Variants in FAAH observed in about 807,000 individuals in gnomAD.
The protein encoded by FAAH is fatty acid amide hydrolase.
Under a neutral mutation model 69.7 loss-of-function variants are expected in FAAH, and 63 were observed. The ratio of observed to expected loss-of-function variants is 0.90; its 90% CI spans 0.74 to 1.12. The LOEUF (loss-of-function observed/expected upper bound fraction) is 1.12, where lower values mean the gene tolerates loss of function less well. Ranked by LOEUF, FAAH falls within the 50% of genes most tolerant of loss-of-function variation. The probability of loss-of-function intolerance (pLI) is 0.00; values close to 1 mark genes in which losing one functional copy is unlikely to be tolerated. For synonymous variants in FAAH, 305 were observed against 324.2 expected (o/e 0.94, Z 0.64); for missense variants, 680 against 755.0 (o/e 0.90, Z 1.16).
At chr1:46,398,620 G>C (rs956368016) in intron 1 of FAAH, among the ~76,000 whole-genome samples, 7 of 150,444 alleles carry the variant, frequency 4.7e-5, no homozygotes, top group Non-Finnish European at 8.9e-5. Flanking sequence ...TGCAACCTCC[G>C]CCTCCCGGGT....
At chr1:46,407,906 G>A (rs907383004) in intron 7 of FAAH, among the ~76,000 whole-genome samples, 2 of 152,192 alleles carry the variant, frequency 1.3e-5, no homozygotes, top group Admixed American at 6.5e-5. Flanking sequence ...GTTTGTGGAC[G>A]GGAAGGAGAG....
chr1:46,404,887 C>G lies in FAAH; in HGVS notation c.310-127C>G. On this transcript the variant is annotated intron_variant, in intron 2 of 14. Coordinates refer to ENST00000243167, the MANE Select transcript of FAAH (RefSeq NM_001441.3). This position sits in a 1 kb window ranked among gnomAD's most constrained non-coding sequence, Gnocchi z 4.5. ...CATCCTCTGTGCCCCAGGCTCTGGG[C>G]CATGTTGCTGGTTACCCCTCTCCCT... 8.0e-7 allele frequency: 1 copy of G among 1,255,778 alleles called. No individual in the cohort carries two copies. The highest frequency in any genetic ancestry group is 1.3e-5 in the South Asian group (1 of 78,918). 77.8% of individuals were successfully genotyped at this position (1,255,778 alleles called of 1,614,324 possible). A position where few individuals can be genotyped will look rare whatever the true frequency, so the allele number is the denominator to read the frequency against.
chr1:46,409,470 CCT>C (rs1457929323), intron 9 of FAAH, among the ~76,000 whole-genome samples: 5 of 152,008 alleles, frequency 3.3e-5, no homozygotes, highest in African/African-American at 9.7e-5. Flanking sequence ...CAGGAGGTTG[CCT>C]CTCTGTTTGG....
chr1:46,405,911 T>C lies in FAAH; in HGVS notation c.785+117T>C, dbSNP rs1664785518. On this transcript the variant is annotated intron_variant, in intron 5 of 14. Coordinates refer to ENST00000243167, the MANE Select transcript of FAAH (RefSeq NM_001441.3). This position sits in a 1 kb window ranked among gnomAD's most constrained non-coding sequence, Gnocchi z 4.1. ...CCGGGGTTTTGCTGGGAGGAAGCAT[T>C]ACAGTACCACTGGCCGGGCGTGGGT... The C allele has an allele frequency of 6.2e-7, 1 of 1,610,678 alleles. No individual in the cohort carries two copies. Among genetic ancestry groups the C allele is most frequent in the Non-Finnish European group, 8.5e-7 (1 of 1,179,202 alleles).
rs1664792455 is a variant in FAAH at position 46,406,257 on chromosome 1, G to A, written c.840G>A (p.Val280=). Reference sequence around the variant, plus strand: ...TCTGCCCCACAGTGCGTCTCTCCGTGGGCCCCATGGCCCGGGACGTGGAGA... The same window carrying A: ...TCTGCCCCACAGTGCGTCTCTCCGTAGGCCCCATGGCCCGGGACGTGGAGA... ...VYGQEAVRLS[V]GPMARDVESL... The change falls in exon 7 of 15, where the codon GTG becomes GTA. Residue 280 remains valine (V), a synonymous_variant. Transcript: ENST00000243167. 1 of 1,613,936 alleles carries A rather than the reference G, an allele frequency of 6.2e-7. No individual in the cohort carries two copies. Among genetic ancestry groups the A allele is most frequent in the African/African-American group, 1.3e-5 (1 of 74,950 alleles).
At chr1:46,406,906 G>A (rs1195555786) in intron 7 of FAAH, among the ~76,000 whole-genome samples, 7 of 152,020 alleles carry the variant, frequency 4.6e-5, no homozygotes, top group Non-Finnish European at 5.9e-5. Context: ...GCGCCGGCCG[G>A]AAATCCACAG....
In FAAH at chr1:46,410,092, G is replaced by T; in HGVS notation, c.1176-306G>T. 1 of 335,310 alleles carries T rather than the reference G, an allele frequency of 3.0e-6. No homozygotes were observed. Among genetic ancestry groups the T allele is most frequent in the East Asian group, 6.9e-5 (1 of 14,550 alleles). 20.8% of individuals were successfully genotyped at this position (335,310 alleles called of 1,614,324 possible). On this transcript the variant is annotated intron_variant, in intron 9 of 14. Coordinates refer to ENST00000243167, the MANE Select transcript of FAAH (RefSeq NM_001441.3). The surrounding 1 kb of genome is among the most constrained non-coding windows in gnomAD (Gnocchi z 4.9). ...GCCTCCAGGCTGTACCTCCCTAAGG[G>T]GAGGTACCCTCAGGGAGGCCTCATC...
Position 46,410,120 on chromosome 1 carries a change from G to A in FAAH, c.1176-278G>A, listed in dbSNP as rs552319616. The A allele has an allele frequency of 7.4e-5, 31 of 416,750 alleles. No individual in the cohort carries two copies. In the South Asian group the frequency reaches 7.7e-4, roughly 10 times the overall value. The allele number at this position is 416,750 out of a possible 1,614,324, so 25.8% of individuals were successfully genotyped here. A position where few individuals can be genotyped will look rare whatever the true frequency, so the allele number is the denominator to read the frequency against. ...GGTACCCTCAGGGAGGCCTCATCAG[G>A]GAGATGTTGCCCTCAGTTCTTAGAG... On this transcript the variant is annotated intron_variant, in intron 9 of 14. Transcript: ENST00000243167. This position sits in a 1 kb window ranked among gnomAD's most constrained non-coding sequence, Gnocchi z 4.9.
chr1:46,404,781 T>TG lies in FAAH; in HGVS notation c.310-231dup, dbSNP rs1421032950. Among the ~76,000 whole-genome samples, 1 of 152,200 alleles carries TG rather than the reference T, an allele frequency of 6.6e-6. No homozygotes were observed. Among genetic ancestry groups the TG allele is most frequent in the Non-Finnish European group, 1.5e-5 (1 of 68,016 alleles). ...TCCCTTGAGTGTCCCGGTTGTGCCC[T>TG]GGTCCTGGTTGAAGGCCAGAGACAG... On this transcript the variant is annotated intron_variant, in intron 2 of 14. Transcript: ENST00000243167. This position sits in a 1 kb window ranked among gnomAD's most constrained non-coding sequence, Gnocchi z 4.5.
intron 1 of FAAH, among the ~76,000 whole-genome samples, chr1:46,395,720 G>C (rs1036255186): frequency 6.6e-6 from 1 of 152,204 alleles, no homozygotes; most frequent in East Asian, 1.9e-4. Flanking sequence ...CAGATGTTCC[G>C]CAAGTGATTT....
chr1:46,397,445 T>G (rs1421534043), intron 1 of FAAH, among the ~76,000 whole-genome samples: 2 of 152,248 alleles, frequency 1.3e-5, no homozygotes, highest in African/African-American at 4.8e-5. Flanking sequence ...AGCGGGAAAT[T>G]ACCTTTCAGG....
rs112227134 is a variant in FAAH at position 46,410,548 on chromosome 1, G to A, written c.1275+51G>A. ...TAGGATGGCTGGGGGGGAACCTAGG[G>A]CCTCCTATCGCATGATCCCCCATGG... On this transcript the variant is annotated intron_variant, in intron 10 of 14. Coordinates refer to ENST00000243167, the MANE Select transcript of FAAH (RefSeq NM_001441.3). The surrounding 1 kb of genome is among the most constrained non-coding windows in gnomAD (Gnocchi z 4.9). 2.6e-6 allele frequency: 4 copies of A among 1,519,902 alleles called. No individual in the cohort carries two copies. The highest frequency in any genetic ancestry group is 2.7e-6 in the Non-Finnish European group (3 of 1,096,476). 94.2% of individuals were successfully genotyped at this position (1,519,902 alleles called of 1,614,324 possible). A position where few individuals can be genotyped will look rare whatever the true frequency, so the allele number is the denominator to read the frequency against.
At chr1:46,403,620 TG>T (rs1442749639) in intron 2 of FAAH, among the ~76,000 whole-genome samples, 1 of 152,224 alleles carries the variant, frequency 6.6e-6, no homozygotes, top group Non-Finnish European at 1.5e-5. Flanking sequence ...CTGGCTTGGG[TG>T]GGGCTCCTTT....
chr1:46,396,587 G>A (rs1445387959), intron 1 of FAAH, among the ~76,000 whole-genome samples: 3 of 148,316 alleles, frequency 2.0e-5, no homozygotes, highest in Non-Finnish European at 1.5e-5. Flanking sequence ...TACTCAAGAC[G>A]GGAGAATGGC....
chr1:46,408,695 G>C, intron 8 of FAAH, 111 bp downstream of exon 8: 1 of 1,548,164 alleles, frequency 6.5e-7, no homozygotes, highest in Non-Finnish European at 8.9e-7. Context: ...CGATGTTGTC[G>C]TCGGGGTGAA....
chr1:46,408,345 C>G (rs1664837777), intron 7 of FAAH, 114 bp from the exon 8 acceptor site: 1 of 1,447,204 alleles, frequency 6.9e-7, no homozygotes, highest in Admixed American at 1.7e-5. Context: ...GCTGGCCTCG[C>G]TGACTGCAGC....
At chr1:46,401,617 A>G (rs1398850155) in intron 1 of FAAH, among the ~76,000 whole-genome samples, 2 of 152,146 alleles carry the variant, frequency 1.3e-5, no homozygotes, top group African/African-American at 4.8e-5. Context: ...GTGGGCAAGA[A>G]GGCACCTCTC....
In FAAH at chr1:46,402,016, A is replaced by C. The variant is rs1664711090; in HGVS notation, c.196-75A>C. The C allele has an allele frequency of 7.9e-6, 10 of 1,264,812 alleles. No homozygotes were observed. The South Asian group carries it at 1.3e-4, about 16-fold the overall frequency. 78.3% of individuals were successfully genotyped at this position (1,264,812 alleles called of 1,614,324 possible). A position where few individuals can be genotyped will look rare whatever the true frequency, so the allele number is the denominator to read the frequency against. ...TGGGCCATGTCAGAGCTGCTGGGGC[A>C]TGGGCCACTGGTGTCTGCTGCAGGC... On this transcript the variant is annotated intron_variant, in intron 1 of 14. Transcript: ENST00000243167.
Position 46,394,408 on chromosome 1 carries a change from C to G in FAAH, c.60C>G (p.Cys20Trp). 2.0e-6 allele frequency: 3 copies of G among 1,496,732 alleles called. No individual in the cohort carries two copies. Among genetic ancestry groups the G allele is most frequent in the Non-Finnish European group, 1.8e-6 (2 of 1,127,332 alleles). The allele number at this position is 1,496,732 out of a possible 1,614,324, so 92.7% of individuals were successfully genotyped here. A position where few individuals can be genotyped will look rare whatever the true frequency, so the allele number is the denominator to read the frequency against. The change falls in exon 1 of 15, where the codon TGC (cysteine) becomes TGG (tryptophan). Residue 20 changes from cysteine to tryptophan, a missense_variant. Cys to Trp is a radical substitution (Grantham distance 215). Coordinates refer to ENST00000243167, the MANE Select transcript of FAAH (RefSeq NM_001441.3). Reference protein sequence around the residue: ...LPGASGVALACCFVAAAVALR... With the variant: ...LPGASGVALAWCFVAAAVALR... Reference sequence around the variant, plus strand: ...GCGCCTCCGGGGTCGCCCTGGCCTGCTGCTTCGTGGCGGCGGCCGTGGCCC... The same window carrying G: ...GCGCCTCCGGGGTCGCCCTGGCCTGGTGCTTCGTGGCGGCGGCCGTGGCCC...
Sources: gnomAD v4.1 joint callset for allele counts (sites outside exome capture counted in the v4.1 genomes callset) on GRCh38, gnomAD v4.1.1 for gene constraint, Gnocchi (gnomAD v3.1) non-coding constraint, MANE v1.5 for transcripts, NCBI Gene and HGNC (gene_info 2026-07-23, HGNC 2026-07-21) for gene names.